Variants in TENM2 observed in about 807,000 individuals in gnomAD.
TENM2 encodes the protein teneurin-2.
A neutral mutation model predicts 245.2 loss-of-function variants in TENM2; 52 were observed. That is an observed-to-expected ratio of 0.21 (90% CI 0.17 to 0.27). The LOEUF (loss-of-function observed/expected upper bound fraction) is 0.27. Among genes scored for constraint, TENM2 ranks in the 10% least tolerant of loss-of-function variants. The pLI is 1.00. For synonymous variants in TENM2, 1,363 were observed against 1,438.9 expected, an observed-to-expected ratio of 0.95 and a Z score of 1.19; for missense variants, 3,046 against 3,666.8, an observed-to-expected ratio of 0.83 and a Z score of 4.37.
intron 4 of TENM2, among the ~76,000 whole-genome samples, chr5:167,975,469 G>A (rs1215324351): frequency 2.0e-5 from 3 of 149,566 alleles, no homozygotes; most frequent in Non-Finnish European, 4.4e-5. Context: ...TTTTTTTGAC[G>A]ACTGAAATAT....
chr5:167,902,761 G>A (rs1291812292), intron 3 of TENM2, among the ~76,000 whole-genome samples: 1 of 152,154 alleles, frequency 6.6e-6, no homozygotes. Context: ...AGCTCTGCCT[G>A]GAAAGTGATC....
At chr5:167,773,150 G>A (rs1763513569) in intron 2 of TENM2, among the ~76,000 whole-genome samples, 1 of 152,178 alleles carries the variant, frequency 6.6e-6, no homozygotes, top group African/African-American at 2.4e-5. Flanking sequence ...TGAAAATTCT[G>A]TTTGAGAAAT....
At chr5:167,513,244 G>A (rs573779055) in intron 2 of TENM2, among the ~76,000 whole-genome samples, 6 of 152,190 alleles carry the variant, frequency 3.9e-5, no homozygotes, top group Admixed American at 1.3e-4. Context: ...ACCTTCTGAG[G>A]GTTTTTGAAA....
intron 1 of TENM2, among the ~76,000 whole-genome samples, chr5:167,335,825 G>A (rs1757719861): frequency 6.6e-6 from 1 of 152,124 alleles, no homozygotes; most frequent in African/African-American, 2.4e-5. Context: ...CTCTCCTTCT[G>A]TGTATTGTTC....
chr5:167,609,519 C>CAAAAAAAAAAAAAAAAAAAAT (rs1171421408), intron 2 of TENM2, among the ~76,000 whole-genome samples: 2 of 128,984 alleles, frequency 1.6e-5, no homozygotes, highest in South Asian at 2.8e-4. Flanking sequence ...AAAACAAAAC[C>CAAAAAAAAAAAAAAAAAAAAT]TTACCTAGAA....
chr5:167,997,686 G>A (rs1413061267), intron 5 of TENM2, among the ~76,000 whole-genome samples: 1 of 152,024 alleles, frequency 6.6e-6, no homozygotes, highest in East Asian at 1.9e-4. Context: ...TAATTTTTAT[G>A]TGTTATGAAA....
chr5:168,228,049 G>T (rs1764393974), exon 25 of TENM2: 1 of 1,613,826 alleles, frequency 6.2e-7, no homozygotes, highest in African/African-American at 1.3e-5. Context: ...TGCCTATGGA[G>T]AATGGCTTAA....
At chr5:167,809,921 C>T (rs1020852302) in intron 2 of TENM2, among the ~76,000 whole-genome samples, 1 of 152,104 alleles carries the variant, frequency 6.6e-6, no homozygotes, top group African/African-American at 2.4e-5. Flanking sequence ...TCTTGGTGCG[C>T]CATGCCAGGT....
chr5:167,879,492 GA>G (rs1053891222), intron 3 of TENM2, among the ~76,000 whole-genome samples: 2 of 151,888 alleles, frequency 1.3e-5, no homozygotes, highest in Non-Finnish European at 2.9e-5. Context: ...AACTCATCTG[GA>G]AAAAAAATCT....
chr5:168,157,603 T>A (rs10475868), intron 12 of TENM2, among the ~76,000 whole-genome samples: 2,477 of 152,016 alleles, frequency 0.016, 56 homozygotes, highest in African/African-American at 0.054. Flanking sequence ...CAGAACTTGG[T>A]TGGAATTAGA....
At chr5:167,411,528 C>T (rs1197821118) in intron 2 of TENM2, among the ~76,000 whole-genome samples, 2 of 150,682 alleles carry the variant, frequency 1.3e-5, no homozygotes, top group East Asian at 3.9e-4. Context: ...ATTTGTTACC[C>T]AAGTTGTGTC....
chr5:167,364,018 A>T (rs957935088), intron 1 of TENM2, among the ~76,000 whole-genome samples: 1 of 152,148 alleles, frequency 6.6e-6, no homozygotes, highest in Admixed American at 6.5e-5. Flanking sequence ...AAGAGTAATC[A>T]TAAGAAATCA....
rs1763427302 is a variant in TENM2 at position 168,218,816 on chromosome 5, G to A, written c.4925G>A (p.Ser1642Asn). The change falls in exon 23 of 29, where the codon AGC (serine) becomes AAC (asparagine). Residue 1642 changes from serine (S) to asparagine (N), a missense_variant. Transcript: ENST00000518659. The surrounding 1 kb of genome is among the most constrained non-coding windows in gnomAD (Gnocchi z 5.2). The stretch of plus-strand genomic sequence containing the variant: ...AATTCCCTGAAGATCCGTCGGGACA[G>A]CAGTGGCATGCCCCGTCACCTGCTC... The A allele has an allele frequency of 6.2e-7, 1 of 1,613,870 alleles. No homozygotes were observed. Among genetic ancestry groups the A allele is most frequent in the Non-Finnish European group, 8.5e-7 (1 of 1,179,900 alleles).
chr5:168,237,486 G>A (rs766114118), intron 25 of TENM2, among the ~76,000 whole-genome samples: 41 of 151,966 alleles, frequency 2.7e-4, no homozygotes, highest in African/African-American at 7.0e-4. Context: ...ATAAAGTCCC[G>A]ACTCACCAGT....
exon 27 of TENM2, chr5:168,248,219 A>G (rs1005737018): frequency 1.4e-5 from 22 of 1,613,880 alleles, no homozygotes; most frequent in Non-Finnish European, 1.6e-5. Context: ...CACTTCACTC[A>G]GCGTGATTAT....
At chr5:167,331,386 TG>T (rs1375032634) in intron 1 of TENM2, among the ~76,000 whole-genome samples, 6 of 152,182 alleles carry the variant, frequency 3.9e-5, no homozygotes, top group Non-Finnish European at 8.8e-5. Flanking sequence ...TCCTATCAAC[TG>T]GCAACTCTTT....
chr5:167,222,090 A>C, the TENM2 span, among the ~76,000 whole-genome samples: 1 of 152,194 alleles, frequency 6.6e-6, no homozygotes, highest in Non-Finnish European at 1.5e-5. Flanking sequence ...CCTTAGAAAA[A>C]AATTGGCCCA....
chr5:167,038,718 G>A, the TENM2 span, among the ~76,000 whole-genome samples: 1 of 152,124 alleles, frequency 6.6e-6, no homozygotes, highest in African/African-American at 2.4e-5. Context: ...CCTTATACCT[G>A]TGTAATTCCG....
the TENM2 span, among the ~76,000 whole-genome samples, chr5:167,231,582 G>A: frequency 1.3e-5 from 2 of 152,212 alleles, no homozygotes; most frequent in Non-Finnish European, 2.9e-5. Flanking sequence ...CATTCAAGAA[G>A]TGATTCAGGT....
Sources: allele counts gnomAD v4.1 joint callset (sites outside exome capture counted in the v4.1 genomes callset), GRCh38; gene constraint gnomAD v4.1.1; non-coding constraint Gnocchi (gnomAD v3.1); transcripts MANE v1.5; gene names NCBI Gene and HGNC (gene_info 2026-07-23, HGNC 2026-07-21).